Variants in ZCWPW2 observed in about 807,000 individuals in gnomAD.
The protein encoded by ZCWPW2 is zinc finger CW-type and PWWP domain containing 2, also known as zinc finger CW-type PWWP domain protein 2.
In ZCWPW2, 45 loss-of-function variants were observed where a neutral mutation model predicts 46.6. That is an observed-to-expected ratio of 0.96 (90% CI 0.76 to 1.24). The LOEUF (loss-of-function observed/expected upper bound fraction) is 1.24. Among genes scored for constraint, ZCWPW2 ranks in the 50% most tolerant of loss-of-function variants. The pLI is 0.00. For synonymous variants in ZCWPW2, 152 were observed against 137.1 expected, an observed-to-expected ratio of 1.11 and a Z score of -0.76; for missense variants, 429 against 403.9, an observed-to-expected ratio of 1.06 and a Z score of -0.53.
chr3:28,489,674 A>G (rs62250302), intron 5 of ZCWPW2, among the ~76,000 whole-genome samples: 427 of 42,602 alleles, frequency 0.01, 4 homozygotes, highest in African/African-American at 0.027. Context: ...GCGCGCACAC[A>G]CACACACACA....
At chr3:28,366,593 T>C (rs1196228513) in intron 1 of ZCWPW2, among the ~76,000 whole-genome samples, 1 of 143,038 alleles carries the variant, frequency 7.0e-6, no homozygotes, top group Admixed American at 7.1e-5. Context: ...GGGATATTGG[T>C]CTAAAATTCT....
intron 4 of ZCWPW2, among the ~76,000 whole-genome samples, chr3:28,476,544 G>C (rs1316676901): frequency 6.6e-6 from 1 of 152,036 alleles, no homozygotes; most frequent in Non-Finnish European, 1.5e-5. Context: ...TACTATTTCT[G>C]TAGGGCAGCA....
At chr3:28,427,601 C>G (rs1280982849) in intron 3 of ZCWPW2, among the ~76,000 whole-genome samples, 1 of 152,090 alleles carries the variant, frequency 6.6e-6, no homozygotes, top group Admixed American at 6.6e-5. Context: ...CAGAAGCTTT[C>G]TCTTTCATTA....
chr3:28,465,315 C>T (rs1698778209), intron 4 of ZCWPW2, among the ~76,000 whole-genome samples: 1 of 152,132 alleles, frequency 6.6e-6, no homozygotes. Context: ...TGGAATGAAT[C>T]TATTATATTT....
intron 1 of ZCWPW2, among the ~76,000 whole-genome samples, chr3:28,382,489 G>T (rs533065391): frequency 6.6e-6 from 1 of 152,248 alleles, no homozygotes; most frequent in East Asian, 1.9e-4. Context: ...AATATTCTGA[G>T]TTACTGGAGA....
chr3:28,413,311 G>C lies in ZCWPW2; in HGVS notation c.243G>C (p.Glu81Asp). 1 of 1,613,270 alleles carries C rather than the reference G, an allele frequency of 6.2e-7. No individual in the cohort carries two copies. Among genetic ancestry groups the C allele is most frequent in the Non-Finnish European group, 8.5e-7 (1 of 1,179,472 alleles). The change falls in exon 3 of 10, where the codon GAG becomes GAC. Residue 81 changes from glutamate to aspartate, a missense_variant. Transcript: ENST00000383768. ...TTTCTGAAGAAGACTTCCCTGAAGA[G>C]TCTCAGCTTCATCAGTGTGGATTTA... ...CSISEEDFPE[E>D]SQLHQCGFKI...
intron 3 of ZCWPW2, among the ~76,000 whole-genome samples, chr3:28,417,433 G>T (rs1298256492): frequency 2.0e-5 from 3 of 151,992 alleles, no homozygotes; most frequent in African/African-American, 7.2e-5. Context: ...TTCTACCAGA[G>T]GTACAAGGAG....
intron 2 of ZCWPW2, among the ~76,000 whole-genome samples, chr3:28,406,826 C>CTTTTTTTTCT (rs1559492088): frequency 1.7e-5 from 2 of 119,984 alleles, no homozygotes; most frequent in African/African-American, 3.2e-5. Context: ...TCTTTTTTTT[C>CTTTTTTTTCT]TTTTTTTTTT....
At chr3:28,358,719 AAGGTTTT>A (rs1308601418) in intron 1 of ZCWPW2, among the ~76,000 whole-genome samples, 3 of 152,104 alleles carry the variant, frequency 2.0e-5, no homozygotes, top group Non-Finnish European at 4.4e-5. Flanking sequence ...TTGAAATAAA[AAGGTTTT>A]TCTCCATAGA....
At chr3:28,391,900 C>A (rs965025237) in intron 2 of ZCWPW2, among the ~76,000 whole-genome samples, 2 of 152,070 alleles carry the variant, frequency 1.3e-5, no homozygotes, top group Non-Finnish European at 2.9e-5. Flanking sequence ...AAGAAAGGAG[C>A]AAAGGACCCA....
intron 8 of ZCWPW2, 87 bp downstream of exon 8, chr3:28,515,708 AG>A: frequency 8.2e-7 from 1 of 1,220,222 alleles, no homozygotes; most frequent in Non-Finnish European, 1.1e-6. Flanking sequence ...GGAAAAAAAA[AG>A]ATTTCCTGTG....
intron 1 of ZCWPW2, among the ~76,000 whole-genome samples, chr3:28,377,132 T>C (rs1212537130): frequency 6.6e-6 from 1 of 152,048 alleles, no homozygotes; most frequent in Non-Finnish European, 1.5e-5. Flanking sequence ...TTTGTTTCTT[T>C]CCAGAGAAAG....
chr3:28,424,307 C>G (rs1239741890), intron 3 of ZCWPW2, among the ~76,000 whole-genome samples: 1 of 151,790 alleles, frequency 6.6e-6, no homozygotes, highest in Non-Finnish European at 1.5e-5. Context: ...TGTTCTTGCT[C>G]TATCACTTAT....
At chr3:28,478,147 A>T (rs1444437673) in intron 4 of ZCWPW2, 1 of 158,802 alleles carries the variant, frequency 6.3e-6, no homozygotes, top group Admixed American at 6.4e-5. Context: ...CAGTTTTTAG[A>T]TAAAGAAACT....
intron 5 of ZCWPW2, among the ~76,000 whole-genome samples, chr3:28,486,653 A>T (rs1001718598): frequency 6.6e-5 from 10 of 152,108 alleles, no homozygotes; most frequent in Admixed American, 5.2e-4. Context: ...AGACAAGAGG[A>T]TCACTTGAGC....
At chr3:28,502,952 T>C (rs1308295117) in intron 6 of ZCWPW2, among the ~76,000 whole-genome samples, 1 of 152,182 alleles carries the variant, frequency 6.6e-6, no homozygotes, top group Non-Finnish European at 1.5e-5. Flanking sequence ...TTTTCATCCT[T>C]ATTACTAAAA....
At chr3:28,487,255 G>A (rs1699633456) in intron 5 of ZCWPW2, among the ~76,000 whole-genome samples, 1 of 151,770 alleles carries the variant, frequency 6.6e-6, no homozygotes, top group African/African-American at 2.4e-5. Context: ...CACTTTTCTA[G>A]TTGTCCCACA....
chr3:28,375,527 A>G (rs1005816675), intron 1 of ZCWPW2, among the ~76,000 whole-genome samples: 6 of 151,978 alleles, frequency 3.9e-5, no homozygotes, highest in African/African-American at 1.2e-4. Context: ...GTACATAGGT[A>G]TATATATTTA....
chr3:28,469,330 A>T (rs1402676556), intron 4 of ZCWPW2, among the ~76,000 whole-genome samples: 1 of 152,134 alleles, frequency 6.6e-6, no homozygotes, highest in African/African-American at 2.4e-5. Context: ...AAACAACCAG[A>T]AAACAAATAA....
Sources: gnomAD v4.1 joint callset for allele counts (sites outside exome capture counted in the v4.1 genomes callset) on GRCh38, gnomAD v4.1.1 for gene constraint, MANE v1.5 for transcripts, NCBI Gene and HGNC (gene_info 2026-07-23, HGNC 2026-07-21) for gene names.